The following WBP2NL variants were observed in gnomAD, a reference collection of about 807,000 sequenced individuals.
WBP2NL encodes postacrosomal sheath WW domain-binding protein.
Under a neutral mutation model 23.3 loss-of-function variants are expected in WBP2NL, and 27 were observed. The observed-to-expected ratio is 1.16, with a 90% CI of 0.85 to 1.60. WBP2NL has a LOEUF of 1.60. WBP2NL is among the 40% of genes most tolerant of loss of function. WBP2NL has a pLI of 0.00. For synonymous variants in WBP2NL, 151 were observed against 145.9 expected, an observed-to-expected ratio of 1.03 and a Z score of -0.25; for missense variants, 370 against 389.5, an observed-to-expected ratio of 0.95 and a Z score of 0.42.
Position 42,027,066 on chromosome 22 carries a change from G to C in WBP2NL, c.815G>C (p.Gly272Ala), listed in dbSNP as rs1168649047. 6.2e-7 allele frequency: 1 copy of C among 1,614,272 alleles called. No individual in the cohort carries two copies. Among genetic ancestry groups the C allele is most frequent in the East Asian group, 2.2e-5 (1 of 44,892 alleles). ...GCAGGAAATGAAGGCCCGCCTGCGG[G>C]ATACAGAGCCTCACCTGCTGGATCA... ...PPAGNEGPPA[G>A]YRASPAGSGA... The change falls in exon 6 of 6, where the codon GGA (glycine) becomes GCA (alanine). Residue 272 changes from glycine (G) to alanine (A), a missense_variant. Transcript: ENST00000328823.
chr22:42,005,204 G>GT (rs1022391625), intron 1 of WBP2NL, among the ~76,000 whole-genome samples: 11 of 146,128 alleles, frequency 7.5e-5, no homozygotes, highest in Non-Finnish European at 4.5e-5. Flanking sequence ...GTGACAGAGT[G>GT]TAAGACTCTG....
chr22:42,005,250 A>G (rs1922112186), intron 1 of WBP2NL, among the ~76,000 whole-genome samples: 1 of 151,656 alleles, frequency 6.6e-6, no homozygotes, highest in African/African-American at 2.4e-5. Flanking sequence ...ATGGTGGCTC[A>G]CGCCTGTAAT....
At chr22:42,026,499 T>C (rs1485892771) in intron 5 of WBP2NL, among the ~76,000 whole-genome samples, 2 of 152,076 alleles carry the variant, frequency 1.3e-5, no homozygotes, top group Non-Finnish European at 2.9e-5. Context: ...AATCAAACTT[T>C]ATTAAGTAAA....
At chr22:42,011,146 TA>T (rs1231689218) in intron 1 of WBP2NL, among the ~76,000 whole-genome samples, 1 of 152,242 alleles carries the variant, frequency 6.6e-6, no homozygotes, top group Non-Finnish European at 1.5e-5. Flanking sequence ...GCTGGCCTCA[TA>T]AAGTAAGCCT....
Position 42,027,680 on chromosome 22 carries a change from T to C in WBP2NL, c.*499T>C, listed in dbSNP as rs1602468626. 9 of 311,358 alleles carry C rather than the reference T, an allele frequency of 2.9e-5. No homozygotes were observed. Among genetic ancestry groups the C allele is most frequent in the Admixed American group, 9.9e-5 (2 of 20,202 alleles). 19.3% of individuals were successfully genotyped at this position (311,358 alleles called of 1,614,324 possible). ...ACCTGTTGAAAACTATGTCTAGAGG[T>C]AGAGAAAGCCTTCTTTGAGGAGACC... On this transcript the variant is annotated 3_prime_UTR_variant, in exon 6 of 6. Transcript: ENST00000328823.
At chr22:42,046,148 AAAAC>A (rs1244282785) in intron 8 of WBP2NL, among the ~76,000 whole-genome samples, 1 of 152,228 alleles carries the variant, frequency 6.6e-6, no homozygotes. Flanking sequence ...TCTTTGTTCT[AAAAC>A]AAACAAAAAC....
At chr22:42,056,933 T>C (rs962673706) in intron 8 of WBP2NL, among the ~76,000 whole-genome samples, 2 of 152,256 alleles carry the variant, frequency 1.3e-5, no homozygotes, top group Admixed American at 6.5e-5. Flanking sequence ...CAGTTGTAAA[T>C]CTTATTGAGA....
intron 8 of WBP2NL, among the ~76,000 whole-genome samples, chr22:42,051,471 TAAAG>T (rs969742349): frequency 2.0e-5 from 3 of 152,180 alleles, no homozygotes; most frequent in Non-Finnish European, 2.9e-5. Context: ...ATGTACAGCA[TAAAG>T]AGTGAACCCT....
At chr22:42,022,722 C>G (rs761782037) in intron 5 of WBP2NL, among the ~76,000 whole-genome samples, 22 of 152,218 alleles carry the variant, frequency 1.4e-4, no homozygotes, top group Non-Finnish European at 3.2e-4. Context: ...TTCAACCTTA[C>G]TGAGGACTCG....
At chr22:42,035,242 G>A (rs133351), downstream of WBP2NL, among the ~76,000 whole-genome samples, 21 of 152,288 alleles carry the variant, frequency 1.4e-4, no homozygotes, top group African/African-American at 3.1e-4. Flanking sequence ...CGGTCCCTCC[G>A]TTTGGGGTCC....
chr22:42,009,256 T>C (rs559902189), intron 1 of WBP2NL, among the ~76,000 whole-genome samples: 4 of 152,354 alleles, frequency 2.6e-5, no homozygotes, highest in Non-Finnish European at 5.9e-5. Flanking sequence ...TTTCTCCCAT[T>C]CCATAGGTTG....
At chr22:41,998,921 G>A (rs755704413) in intron 1 of WBP2NL, 41 bp downstream of exon 1, 4 of 1,584,560 alleles carry the variant, frequency 2.5e-6, no homozygotes, top group Admixed American at 1.8e-5. Flanking sequence ...GAGGAGAGGA[G>A]ACGAATGAGA....
chr22:42,057,869 G>GTGTATATATATA (rs1926112302), intron 8 of WBP2NL, among the ~76,000 whole-genome samples: 1 of 32,548 alleles, frequency 3.1e-5, no homozygotes, highest in African/African-American at 1.5e-4. Flanking sequence ...GTGTGTGTAT[G>GTGTATATATATA]TATATATATA....
At chr22:41,999,272 C>T (rs1044868091) in intron 1 of WBP2NL, among the ~76,000 whole-genome samples, 3 of 152,214 alleles carry the variant, frequency 2.0e-5, no homozygotes, top group African/African-American at 4.8e-5. Context: ...TGGGTGCCTG[C>T]GACTTTGTTG....
intron 8 of WBP2NL, among the ~76,000 whole-genome samples, chr22:42,057,222 CTT>C (rs1170156455): frequency 6.6e-6 from 1 of 152,110 alleles, no homozygotes; most frequent in Non-Finnish European, 1.5e-5. Context: ...GTTCTTCATT[CTT>C]GTTTCTTTCT....
chr22:42,022,044 C>G (rs1044378163), intron 4 of WBP2NL, among the ~76,000 whole-genome samples: 3 of 152,116 alleles, frequency 2.0e-5, no homozygotes, highest in Admixed American at 6.6e-5. Flanking sequence ...AAGCAATCCT[C>G]CCATCTTGGC....
chr22:42,018,231 C>T (rs1391510039), intron 1 of WBP2NL, among the ~76,000 whole-genome samples: 2 of 149,540 alleles, frequency 1.3e-5, no homozygotes, highest in African/African-American at 2.5e-5. Flanking sequence ...GGGAGGATCA[C>T]CTGAGCCCAG....
At chr22:42,047,617 T>TC (rs1477168265) in intron 8 of WBP2NL, among the ~76,000 whole-genome samples, 7 of 130,860 alleles carry the variant, frequency 5.3e-5, no homozygotes, top group African/African-American at 1.2e-4. Flanking sequence ...AAAAAACCAA[T>TC]CAAATTTTTT....
chr22:42,025,073 G>A (rs1284409048), intron 5 of WBP2NL, among the ~76,000 whole-genome samples: 1 of 152,222 alleles, frequency 6.6e-6, no homozygotes, highest in Non-Finnish European at 1.5e-5. Context: ...GGTTACAGGT[G>A]TGAACAACTG....
Sources: gnomAD v4.1 joint callset for allele counts (sites outside exome capture counted in the v4.1 genomes callset) on GRCh38, gnomAD v4.1.1 for gene constraint, MANE v1.5 for transcripts, NCBI Gene and HGNC (gene_info 2026-07-23, HGNC 2026-07-21) for gene names.